The following GRIN3A variants were observed in gnomAD, a reference collection of about 807,000 sequenced individuals.
The protein encoded by GRIN3A is glutamate receptor ionotropic, NMDA 3A.
In GRIN3A, 47 loss-of-function variants were observed where a neutral mutation model predicts 92.4. The ratio of observed to expected loss-of-function variants is 0.51; its 90% CI spans 0.40 to 0.65. The LOEUF is 0.65. Among genes scored for constraint, GRIN3A ranks in the 30% least tolerant of loss-of-function variants. The pLI is 0.00. For synonymous variants in GRIN3A, 527 were observed against 540.6 expected, an observed-to-expected ratio of 0.97 and a Z score of 0.35; for missense variants, 1,324 against 1,393.1, an observed-to-expected ratio of 0.95 and a Z score of 0.79.
At chr9:101,633,661 G>T (rs925201981) in intron 3 of GRIN3A, among the ~76,000 whole-genome samples, 12 of 152,134 alleles carry the variant, frequency 7.9e-5, no homozygotes, top group African/African-American at 2.7e-4. Flanking sequence ...CTGCAAATGT[G>T]AGAGATCTAG....
Position 101,670,272 on chromosome 9 carries a change from A to G in GRIN3A, c.2140T>C (p.Phe714Leu). Reference sequence around the variant, plus strand: ...ATGTTCAAGGCTGAAGAAAAGGAGAAGACTTTACTTCTATTTCGCCCCTTG... The same window carrying G: ...ATGTTCAAGGCTGAAGAAAAGGAGAGGACTTTACTTCTATTTCGCCCCTTG... ...TPKGRNRSKV[F>L]SFSSALNICY... The change falls in exon 3 of 9, where the codon TTC becomes CTC. Residue 714 changes from phenylalanine (F) to leucine (L), a missense_variant. Phe to Leu is a conservative substitution (Grantham distance 22). Coordinates refer to ENST00000361820, the MANE Select transcript of GRIN3A (RefSeq NM_133445.3). The G allele has an allele frequency of 6.2e-7, 1 of 1,614,042 alleles. No homozygotes were observed. The highest frequency in any genetic ancestry group is 8.5e-7 in the Non-Finnish European group (1 of 1,179,922).
chr9:101,683,469 A>G (rs1054698776), intron 2 of GRIN3A, among the ~76,000 whole-genome samples: 2 of 152,196 alleles, frequency 1.3e-5, no homozygotes, highest in Non-Finnish European at 2.9e-5. Context: ...TATTAAACAA[A>G]ATAAATAAGG....
chr9:101,670,670 A>G lies in GRIN3A; in HGVS notation c.1742T>C (p.Ile581Thr), dbSNP rs772637472. 24 of 1,613,936 alleles carry G rather than the reference A, an allele frequency of 1.5e-5. No individual in the cohort carries two copies. The highest frequency in any genetic ancestry group is 3.3e-5 in the Admixed American group (2 of 59,982). The change falls in exon 3 of 9, where the codon ATT becomes ACT. Residue 581 changes from isoleucine (I) to threonine (T), a missense_variant. Ile to Thr is a moderately conservative substitution (Grantham distance 89). Transcript: ENST00000361820. ...KFKKCCYGYC[I>T]DLLEKIAEDM... ...TTCTGCTATCTTTTCCAGCAGATCA[A>G]TGCAATATCCATAGCAGCACTTCTT...
chr9:101,738,258 C>G lies in GRIN3A; in HGVS notation c.-279G>C. 1 of 490,590 alleles carries G rather than the reference C, an allele frequency of 2.0e-6. No homozygotes were observed. The highest frequency in any genetic ancestry group is 3.7e-6 in the Non-Finnish European group (1 of 273,732). The allele number at this position is 490,590 out of a possible 1,614,324, so 30.4% of individuals were successfully genotyped here. On this transcript the variant is annotated 5_prime_UTR_variant, in exon 1 of 9. Coordinates refer to ENST00000361820, the MANE Select transcript of GRIN3A (RefSeq NM_133445.3). ...CGGGCGGGCCGGCGCCTGTCACCCG[C>G]AGCTGGAGCGCCCGTTCCCTGCCCG...
At chr9:101,643,218 A>G (rs887549688) in intron 3 of GRIN3A, among the ~76,000 whole-genome samples, 26 of 152,202 alleles carry the variant, frequency 1.7e-4, no homozygotes, top group African/African-American at 4.6e-4. Flanking sequence ...AAAACAAATA[A>G]TACAATTAAA....
At chr9:101,609,786 A>AGG (rs1306577676) in intron 6 of GRIN3A, among the ~76,000 whole-genome samples, 1 of 152,184 alleles carries the variant, frequency 6.6e-6, no homozygotes, top group African/African-American at 2.4e-5. Context: ...GGAGGTTAAA[A>AGG]TCATTCAGTA....
At chr9:101,699,118 T>A (rs946925225) in intron 1 of GRIN3A, among the ~76,000 whole-genome samples, 1 of 152,240 alleles carries the variant, frequency 6.6e-6, no homozygotes, top group African/African-American at 2.4e-5. Context: ...TCTTCCTTTA[T>A]ATCCTTATTC....
intron 4 of GRIN3A, among the ~76,000 whole-genome samples, chr9:101,623,889 A>G (rs1828592620): frequency 6.6e-6 from 1 of 152,264 alleles, no homozygotes; most frequent in South Asian, 2.1e-4. Context: ...ACCAGGTTAC[A>G]CAGCTAGTAA....
intron 6 of GRIN3A, among the ~76,000 whole-genome samples, chr9:101,600,655 A>G (rs1323432): frequency 0.081 from 12,264 of 152,210 alleles, 587 homozygotes; most frequent in Middle Eastern, 0.12. Context: ...ATGTGCAAAG[A>G]GGCCCTAGGG....
intron 3 of GRIN3A, among the ~76,000 whole-genome samples, chr9:101,631,432 C>A (rs560101350): frequency 6.6e-6 from 1 of 152,300 alleles, no homozygotes; most frequent in East Asian, 1.9e-4. Flanking sequence ...AACAGAATTC[C>A]TTCCAGAAAT....
In GRIN3A at chr9:101,725,463, T is replaced by C. The variant is rs1181157979; in HGVS notation, c.699+11818A>G. Among the ~76,000 whole-genome samples the C allele has an allele frequency of 2.6e-5, 4 of 152,302 alleles. No homozygotes were observed. The East Asian group carries it at 5.8e-4, about 22-fold the overall frequency. On this transcript the variant is annotated intron_variant, in intron 1 of 8. Coordinates refer to ENST00000361820, the MANE Select transcript of GRIN3A (RefSeq NM_133445.3). ...AACAAGAAAAGGGAGAAGTCAAAGA[T>C]GTTATGAAAAGTCTTGTTATAGGTA... is the stretch of plus-strand genomic sequence containing the variant.
intron 2 of GRIN3A, among the ~76,000 whole-genome samples, chr9:101,676,854 C>T (rs1049283164): frequency 6.9e-6 from 1 of 144,534 alleles, no homozygotes; most frequent in Non-Finnish European, 1.5e-5. Context: ...CTTAAACCTT[C>T]CCCTTTTCCT....
intron 6 of GRIN3A, among the ~76,000 whole-genome samples, chr9:101,586,412 A>C (rs1002377783): frequency 6.6e-6 from 1 of 152,164 alleles, no homozygotes; most frequent in Non-Finnish European, 1.5e-5. Flanking sequence ...TATAAAATAA[A>C]TTTGCATAAT....
intron 3 of GRIN3A, among the ~76,000 whole-genome samples, chr9:101,657,677 G>T (rs747684057): frequency 6.6e-6 from 1 of 151,914 alleles, no homozygotes; most frequent in Non-Finnish European, 1.5e-5. Context: ...CATTTCACAG[G>T]GGGTGGTGGC....
At chr9:101,699,074 A>G in intron 1 of GRIN3A, among the ~76,000 whole-genome samples, 1 of 152,380 alleles carries the variant, frequency 6.6e-6, no homozygotes, top group East Asian at 1.9e-4. Flanking sequence ...ATAACACAGT[A>G]TAAAACACAT....
chr9:101,679,245 G>A, intron 2 of GRIN3A, among the ~76,000 whole-genome samples: 1 of 152,078 alleles, frequency 6.6e-6, no homozygotes, highest in East Asian at 1.9e-4. Flanking sequence ...ATACTTTTTG[G>A]CAGATTTCCA....
At chr9:101,671,160 A>AG (rs1200871069) in intron 2 of GRIN3A, 53 bp from the exon 3 acceptor site, 23 of 1,193,842 alleles carry the variant, frequency 1.9e-5, no homozygotes, top group Non-Finnish European at 2.9e-5. Flanking sequence ...GGCCTAAGAT[A>AG]GGAAGCAGTG....
chr9:101,617,616 T>TTTTA (rs1228304751), intron 5 of GRIN3A, among the ~76,000 whole-genome samples: 2 of 119,412 alleles, frequency 1.7e-5, no homozygotes, highest in African/African-American at 9.7e-5. Context: ...TTTTATTTTA[T>TTTTA]TTTATTTATT....
At chr9:101,575,398 G>T (rs1305117215) in intron 8 of GRIN3A, among the ~76,000 whole-genome samples, 1 of 151,996 alleles carries the variant, frequency 6.6e-6, no homozygotes, top group Non-Finnish European at 1.5e-5. Context: ...AATCTTGGTT[G>T]TGCTGTTATG....
Sources: allele counts gnomAD v4.1 joint callset (sites outside exome capture counted in the v4.1 genomes callset), GRCh38; gene constraint gnomAD v4.1.1; transcripts MANE v1.5; gene names NCBI Gene and HGNC (gene_info 2026-07-23, HGNC 2026-07-21).